Variants in RAD51B observed in about 807,000 individuals in gnomAD.
RAD51B encodes the protein DNA repair protein RAD51 homolog 2.
RAD51B carries 38 observed loss-of-function variants against 42.2 expected under a neutral mutation model. That is an observed-to-expected ratio of 0.90 (90% CI 0.70 to 1.18). The LOEUF is 1.18. RAD51B is among the 50% of genes most tolerant of loss of function. The pLI is 0.00. For missense variants in RAD51B, 373 were observed against 400.7 expected (o/e 0.93, Z 0.59); for synonymous variants, 154 against 145.2 (o/e 1.06, Z -0.43).
intron 8 of RAD51B, among the ~76,000 whole-genome samples, chr14:68,315,484 GC>G (rs1291777233): frequency 6.6e-6 from 1 of 152,030 alleles, no homozygotes; most frequent in Non-Finnish European, 1.5e-5. Flanking sequence ...GCCAGCATTA[GC>G]AGCTCTCTAG....
chr14:68,167,965 T>G (rs1157262153), intron 7 of RAD51B, among the ~76,000 whole-genome samples: 1 of 152,196 alleles, frequency 6.6e-6, no homozygotes, highest in Non-Finnish European at 1.5e-5. Flanking sequence ...TAGGCAGATC[T>G]GTGAATTGCT....
chr14:68,297,740 T>G (rs1183243203), intron 8 of RAD51B, among the ~76,000 whole-genome samples: 1 of 152,178 alleles, frequency 6.6e-6, no homozygotes, highest in Non-Finnish European at 1.5e-5. Context: ...TCCATAGTAT[T>G]TTTAATTGTC....
chr14:67,978,762 G>A (rs1566989296), intron 7 of RAD51B, among the ~76,000 whole-genome samples: 1 of 152,158 alleles, frequency 6.6e-6, no homozygotes. Flanking sequence ...TTGAATTTCA[G>A]TCTTGAACAC....
chr14:68,507,915 C>T (rs1319504293), intron 10 of RAD51B, among the ~76,000 whole-genome samples: 5 of 152,126 alleles, frequency 3.3e-5, no homozygotes, highest in African/African-American at 4.8e-5. Context: ...TGAACCCACC[C>T]GGAAACCAAG....
At chr14:68,408,465 G>A (rs972186970) in intron 8 of RAD51B, among the ~76,000 whole-genome samples, 1 of 152,130 alleles carries the variant, frequency 6.6e-6, no homozygotes, top group African/African-American at 2.4e-5. Flanking sequence ...CAAGCCAAAG[G>A]TTGCGACAAA....
At chr14:68,044,269 G>A (rs1051552228) in intron 7 of RAD51B, among the ~76,000 whole-genome samples, 3 of 152,202 alleles carry the variant, frequency 2.0e-5, no homozygotes, top group Non-Finnish European at 4.4e-5. Flanking sequence ...TGAAGTGTTG[G>A]GAATTCTAGT....
intron 10 of RAD51B, among the ~76,000 whole-genome samples, chr14:68,536,729 C>G (rs1184600236): frequency 6.6e-6 from 1 of 152,126 alleles, no homozygotes; most frequent in Non-Finnish European, 1.5e-5. Flanking sequence ...TTTCCTTACT[C>G]TTTTAAATAG....
chr14:68,387,150 T>C (rs1039144030), intron 8 of RAD51B: 1 of 152,220 alleles, frequency 6.6e-6, no homozygotes, highest in Non-Finnish European at 1.5e-5. Context: ...AATAAATGTG[T>C]GTTGGCAGAA....
chr14:68,613,141 C>T (rs897881446), downstream of RAD51B, among the ~76,000 whole-genome samples: 3 of 152,166 alleles, frequency 2.0e-5, no homozygotes, highest in East Asian at 1.9e-4. Flanking sequence ...GGAGGCCAGG[C>T]GTGGTGGCTC....
At chr14:67,908,713 ATTAAACAAAT>A (rs1198053980) in intron 7 of RAD51B, 1 of 152,112 alleles carries the variant, frequency 6.6e-6, no homozygotes, top group East Asian at 1.9e-4. Context: ...GCATTTAGTT[ATTAAACAAAT>A]TTAAACAAAT....
intron 7 of RAD51B, among the ~76,000 whole-genome samples, chr14:68,011,049 A>G (rs1459317689): frequency 6.6e-6 from 1 of 151,972 alleles, no homozygotes; most frequent in Non-Finnish European, 1.5e-5. Flanking sequence ...TTTTGAAATA[A>G]TACTTCTAAT....
intron 10 of RAD51B, among the ~76,000 whole-genome samples, chr14:68,564,708 A>G (rs11158751): frequency 0.43 from 65,272 of 152,158 alleles, 15,049 homozygotes; most frequent in East Asian, 0.7. Context: ...GCTGGCTTTC[A>G]GGCCTGGTGT....
At chr14:68,335,305 AAAAAAAAAG>A (rs1330311079) in intron 8 of RAD51B, among the ~76,000 whole-genome samples, 21 of 141,728 alleles carry the variant, frequency 1.5e-4, no homozygotes, top group African/African-American at 2.8e-4. Context: ...TCAAAAAAAA[AAAAAAAAAG>A]AAAAGAAAAA....
chr14:68,510,642 G>A (rs1885664662), intron 10 of RAD51B, among the ~76,000 whole-genome samples: 1 of 152,152 alleles, frequency 6.6e-6, no homozygotes, highest in Non-Finnish European at 1.5e-5. Flanking sequence ...CTGCCGTCCC[G>A]AGGCCTTCAG....
At chr14:68,524,195 A>T (rs1886775882) in intron 10 of RAD51B, among the ~76,000 whole-genome samples, 1 of 152,212 alleles carries the variant, frequency 6.6e-6, no homozygotes, top group Admixed American at 6.5e-5. Context: ...CACACATGGC[A>T]TCTGCACTGC....
chr14:68,549,508 C>T (rs944657399), intron 10 of RAD51B, among the ~76,000 whole-genome samples: 115 of 144,956 alleles, frequency 7.9e-4, no homozygotes, highest in Non-Finnish European at 1.3e-3. Flanking sequence ...CTCCGCCTCC[C>T]GGGTTCACGC....
At chr14:68,226,674 A>T (rs576282440) in intron 7 of RAD51B, among the ~76,000 whole-genome samples, 3 of 152,256 alleles carry the variant, frequency 2.0e-5, no homozygotes, top group African/African-American at 7.2e-5. Context: ...AGGTCCATTA[A>T]ACCCTCGGGT....
intron 7 of RAD51B, among the ~76,000 whole-genome samples, chr14:68,088,336 C>T (rs549336250): frequency 1.3e-5 from 2 of 151,922 alleles, no homozygotes; most frequent in African/African-American, 4.8e-5. Context: ...AATTTACTTA[C>T]TTACTTTTTT....
intron 7 of RAD51B, among the ~76,000 whole-genome samples, chr14:68,283,285 G>T (rs2081354423): frequency 6.6e-6 from 1 of 152,092 alleles, no homozygotes; most frequent in South Asian, 2.1e-4. Flanking sequence ...CCTTTCTATG[G>T]GACTCAGTGG....
Sources: gnomAD v4.1 joint callset for allele counts (sites outside exome capture counted in the v4.1 genomes callset) on GRCh38, gnomAD v4.1.1 for gene constraint, MANE v1.5 for transcripts, NCBI Gene and HGNC (gene_info 2026-07-23, HGNC 2026-07-21) for gene names.